EEF1E1: variants seen among roughly 807,000 people sequenced by gnomAD.
EEF1E1 encodes eukaryotic translation elongation factor 1 epsilon-1.
In EEF1E1, 19 loss-of-function variants were observed where a neutral mutation model predicts 19.9. The ratio of observed to expected loss-of-function variants is 0.95; its 90% CI spans 0.66 to 1.40. The LOEUF (loss-of-function observed/expected upper bound fraction) is 1.40. Among genes scored for constraint, EEF1E1 ranks in the 40% most tolerant of loss-of-function variants. The pLI, the probability that EEF1E1 is intolerant of heterozygous loss-of-function variation, is 0.00. For synonymous variants in EEF1E1, 81 were observed against 80.0 expected (o/e 1.01, Z -0.07); for missense variants, 198 against 202.2 (o/e 0.98, Z 0.13).
intron 1 of EEF1E1, among the ~76,000 whole-genome samples, chr6:8,099,938 A>G (rs1758299144): frequency 6.8e-6 from 1 of 148,034 alleles, no homozygotes; most frequent in Admixed American, 6.8e-5. Context: ...AATATCCTAG[A>G]TAAGGATCTC....
intron 1 of EEF1E1, among the ~76,000 whole-genome samples, chr6:8,098,123 T>C (rs1198190080): frequency 6.8e-6 from 1 of 147,772 alleles, no homozygotes; most frequent in Non-Finnish European, 1.5e-5. Flanking sequence ...ATAGTATCTT[T>C]TTTTTTTTTC....
chr6:8,078,680 G>T, downstream of EEF1E1: 3 of 1,285,180 alleles, frequency 2.3e-6, no homozygotes, highest in South Asian at 3.7e-5. Flanking sequence ...TCACTTCAGA[G>T]ACAAACATGG....
chr6:8,075,459 T>C (rs75681051), downstream of EEF1E1, among the ~76,000 whole-genome samples: 773 of 152,202 alleles, frequency 5.1e-3, 6 homozygotes, highest in Non-Finnish European at 7.5e-3. Context: ...ATTTTTCAGT[T>C]CCCCTGTCCA....
At chr6:8,101,664 A>T in intron 1 of EEF1E1, 1 of 1,002,138 alleles carries the variant, frequency 1.0e-6, no homozygotes, top group Non-Finnish European at 1.3e-6. Context: ...TATCCAAAGT[A>T]GTCTTCCTAC....
chr6:8,075,312 T>G (rs1377265317), downstream of EEF1E1, among the ~76,000 whole-genome samples: 2 of 152,196 alleles, frequency 1.3e-5, no homozygotes, highest in African/African-American at 2.4e-5. Context: ...CTAAAAATAC[T>G]CCTGAGGGCA....
chr6:8,099,791 C>CAAAAAAAAAAAA (rs3031799), intron 1 of EEF1E1, among the ~76,000 whole-genome samples: 1 of 114,628 alleles, frequency 8.7e-6, no homozygotes, highest in Non-Finnish European at 1.8e-5. Flanking sequence ...CACACACACA[C>CAAAAAAAAAAAA]AAAAAAAAAA....
downstream of EEF1E1, among the ~76,000 whole-genome samples, chr6:8,074,802 G>A (rs1241823702): frequency 6.6e-6 from 1 of 152,168 alleles, no homozygotes; most frequent in Non-Finnish European, 1.5e-5. Context: ...AGTTAGTTGC[G>A]AGAAGTCCTG....
At chr6:8,088,793 G>A (rs1256342264) in intron 3 of EEF1E1, among the ~76,000 whole-genome samples, 1 of 152,170 alleles carries the variant, frequency 6.6e-6, no homozygotes, top group East Asian at 1.9e-4. Context: ...GCACAATCAG[G>A]CAGGCTGGAA....
intron 3 of EEF1E1, among the ~76,000 whole-genome samples, chr6:8,081,864 T>A (rs1016032408): frequency 6.6e-6 from 1 of 152,224 alleles, no homozygotes; most frequent in Non-Finnish European, 1.5e-5. Context: ...ATATGATGAT[T>A]CAAATCTGAC....
chr6:8,074,723 A>G, downstream of EEF1E1, among the ~76,000 whole-genome samples: 1 of 152,236 alleles, frequency 6.6e-6, no homozygotes, highest in East Asian at 1.9e-4. Flanking sequence ...TGCTGAGAAT[A>G]TGATCTAACA....
At chr6:8,102,354 TGGCCGGCCCGGGTCCTGCCAGGGCTC>T (rs1223040813) in intron 1 of EEF1E1, 55 bp downstream of exon 1, 5 of 1,395,718 alleles carry the variant, frequency 3.6e-6, no homozygotes, top group Non-Finnish European at 4.9e-6. Flanking sequence ...CCGTATCTGG[TGGCCGGCCCGGGTCCTGCCAGGGCTC>T]GGCAGGCCCC....
Position 8,092,868 on chromosome 6 carries a change from G to GTTTTTTTT in EEF1E1, c.289-2588_289-2587insAAAAAAAA, listed in dbSNP as rs1554099258. Among the ~76,000 whole-genome samples the GTTTTTTTT allele has an allele frequency of 6.9e-3, 747 of 107,978 alleles. 49 individuals are homozygous for GTTTTTTTT. Among genetic ancestry groups the GTTTTTTTT allele is most frequent in the Non-Finnish European group, 0.01 (542 of 53,598 alleles). 70.8% of individuals were successfully genotyped at this position (107,978 alleles called of 152,430 possible). Reference sequence around the variant, plus strand: ...GTTTTGTGTTTTAGTGATAAAGACTGCTTTTTTTTTTTTTTTTTTTTTTTG... The same window carrying GTTTTTTTT: ...GTTTTGTGTTTTAGTGATAAAGACTGTTTTTTTTCTTTTTTTTTTTTTTTTTTTTTTTG... On this transcript the variant is annotated intron_variant, in intron 2 of 3. Coordinates refer to ENST00000379715, the MANE Select transcript of EEF1E1 (RefSeq NM_004280.5).
intron 2 of EEF1E1, 63 bp downstream of exon 2, chr6:8,097,204 C>T: frequency 1.3e-6 from 2 of 1,524,744 alleles, no homozygotes; most frequent in Non-Finnish European, 1.8e-6. Context: ...TTTTTAATCT[C>T]AGGGGAAAGA....
At chr6:8,098,449 T>C (rs1021654694) in intron 1 of EEF1E1, among the ~76,000 whole-genome samples, 3 of 152,288 alleles carry the variant, frequency 2.0e-5, no homozygotes, top group African/African-American at 2.4e-5. Context: ...TAGTGATTTA[T>C]ACTTTGCAAG....
chr6:8,086,725 T>C (rs886931436), intron 3 of EEF1E1, among the ~76,000 whole-genome samples: 3 of 152,130 alleles, frequency 2.0e-5, no homozygotes, highest in Non-Finnish European at 4.4e-5. Context: ...TCCTTCTTAG[T>C]GATGAGGTAC....
chr6:8,101,774 T>C (rs1406586761), intron 1 of EEF1E1: 4 of 1,289,398 alleles, frequency 3.1e-6, no homozygotes, highest in East Asian at 5.5e-5. Context: ...CCTTGTGATG[T>C]TTCCCGCATT....
chr6:8,099,772 ACACACACACAC>A (rs1758279304), intron 1 of EEF1E1, among the ~76,000 whole-genome samples: 2 of 124,306 alleles, frequency 1.6e-5, no homozygotes, highest in African/African-American at 3.2e-5. Context: ...ACACACACAC[ACACACACACAC>A]ACACACACAA....
At chr6:8,075,337 A>G (rs1404137128), downstream of EEF1E1, among the ~76,000 whole-genome samples, 1 of 152,244 alleles carries the variant, frequency 6.6e-6, no homozygotes, top group African/African-American at 2.4e-5. Flanking sequence ...ATTGTGAAAT[A>G]CATCACGTAA....
chr6:8,100,309 T>C (rs1471332721), intron 1 of EEF1E1, among the ~76,000 whole-genome samples: 1 of 152,232 alleles, frequency 6.6e-6, no homozygotes, highest in Admixed American at 6.5e-5. Context: ...ATCCCTTAAA[T>C]GCCAGCTCTT....
Sources: allele counts gnomAD v4.1 joint callset (sites outside exome capture counted in the v4.1 genomes callset), GRCh38; gene constraint gnomAD v4.1.1; transcripts MANE v1.5; gene names NCBI Gene and HGNC (gene_info 2026-07-23, HGNC 2026-07-21).